The following ACTA2 variants were observed in gnomAD, a reference collection of about 807,000 sequenced individuals.
ACTA2 encodes actin alpha 2, smooth muscle.
In ACTA2, 12 loss-of-function variants were observed where a neutral mutation model predicts 39.5. That is an observed-to-expected ratio of 0.30 (90% CI 0.19 to 0.49). The LOEUF is 0.49. Among genes scored for constraint, ACTA2 ranks in the 20% least tolerant of loss-of-function variants. The pLI is 0.99. For missense variants in ACTA2, 236 were observed against 498.8 expected, an observed-to-expected ratio of 0.47 and a Z score of 5.02; for synonymous variants, 158 against 180.6, an observed-to-expected ratio of 0.88 and a Z score of 1.00.
chr10:88,962,778 T>C (rs1418642180), intron 1 of ACTA2, among the ~76,000 whole-genome samples: 1 of 151,436 alleles, frequency 6.6e-6, no homozygotes, highest in Non-Finnish European at 1.5e-5. Context: ...GGGTAACTTA[T>C]AAAGGAAAGA....
In ACTA2 at chr10:88,990,159, ATGGCGCAACATCTGTACTTTTTCAT is replaced by A. The variant is rs1847077204; in HGVS notation, c.-24+755_-24+779del. On this transcript the variant is annotated intron_variant, in intron 1 of 4. Coordinates refer to the ACTA2 transcript ENST00000415557. This position sits in a 1 kb window ranked among gnomAD's most constrained non-coding sequence, Gnocchi z 4.9. ...AGGGGCCCTCCCTTTTCAGAGCCCT[ATGGCGCAACATCTGTACTTTTTCAT>A]ATGGTTAACTGTCCATTCCAGAAAC... 1.3e-5 allele frequency among the ~76,000 whole-genome samples: 2 copies of A among 152,280 alleles called. No homozygotes were observed. The highest frequency in any genetic ancestry group is 4.8e-5 in the African/African-American group (2 of 41,552).
intron 1 of ACTA2, among the ~76,000 whole-genome samples, chr10:88,958,758 C>T (rs956409808): frequency 1.3e-5 from 2 of 152,144 alleles, no homozygotes; most frequent in African/African-American, 4.8e-5. Context: ...ACCCAACTGC[C>T]CCAGCTTCCT....
intron 1 of ACTA2, among the ~76,000 whole-genome samples, chr10:88,983,953 C>T (rs1224132387): frequency 6.6e-6 from 1 of 150,776 alleles, no homozygotes; most frequent in African/African-American, 2.4e-5. Context: ...ACTTAGGCTG[C>T]CTAGTTATCC....
At chr10:88,947,726 CAAT>C (rs1845976807) in intron 2 of ACTA2, among the ~76,000 whole-genome samples, 2 of 152,230 alleles carry the variant, frequency 1.3e-5, no homozygotes, top group South Asian at 4.2e-4. Flanking sequence ...ATGTGGCACT[CAAT>C]AATTATTTGT....
chr10:88,985,072 G>A (rs1203795051), intron 1 of ACTA2, among the ~76,000 whole-genome samples: 1 of 152,110 alleles, frequency 6.6e-6, no homozygotes, highest in African/African-American at 2.4e-5. Context: ...GGGGGCCATT[G>A]GCAAATTGCT....
chr10:88,985,001 G>A (rs527549964), intron 1 of ACTA2, among the ~76,000 whole-genome samples: 33 of 152,310 alleles, frequency 2.2e-4, no homozygotes, highest in African/African-American at 7.9e-4. Context: ...ACATTTAGTT[G>A]GTAATATAGG....
chr10:88,986,362 T>C (rs574321157), intron 1 of ACTA2, among the ~76,000 whole-genome samples: 23 of 152,316 alleles, frequency 1.5e-4, no homozygotes, highest in African/African-American at 5.3e-4. Context: ...TCAATTGGAT[T>C]AAGAAGCCAG....
intron 1 of ACTA2, among the ~76,000 whole-genome samples, chr10:88,980,023 A>G (rs1286808680): frequency 1.3e-5 from 2 of 152,254 alleles, no homozygotes; most frequent in Non-Finnish European, 2.9e-5. Flanking sequence ...GTAGTTTCAG[A>G]AGATGGCCAG....
chr10:88,954,295 T>C (rs1172376047), upstream of ACTA2, among the ~76,000 whole-genome samples: 1 of 152,214 alleles, frequency 6.6e-6, no homozygotes, highest in East Asian at 1.9e-4. Flanking sequence ...AAATTTTAAA[T>C]AGCTTAAGAC....
chr10:88,966,013 T>C lies in ACTA2; in HGVS notation c.-23-17060A>G, dbSNP rs377314142. Among the ~76,000 whole-genome samples the C allele has an allele frequency of 7.3e-4, 111 of 152,256 alleles. 1 individual carries two copies. The South Asian group carries it at 0.021, about 28-fold the overall frequency. On this transcript the variant is annotated intron_variant, in intron 1 of 4. Transcript: ENST00000415557. ...ATGGTCAACAGAATCACTTGGGCAATTTGTTAAAATGTATTAGGTTGGTGC... is the reference window on the plus strand; with the variant it reads ...ATGGTCAACAGAATCACTTGGGCAACTTGTTAAAATGTATTAGGTTGGTGC...
At chr10:88,947,519 G>A in intron 2 of ACTA2, 133 bp from the exon 3 acceptor site, 4 of 1,362,370 alleles carry the variant, frequency 2.9e-6, no homozygotes, top group Non-Finnish European at 4.1e-6. Context: ...AACATATTGA[G>A]TCTCATTGCC....
intron 1 of ACTA2, among the ~76,000 whole-genome samples, chr10:88,969,640 T>C (rs896695351): frequency 1.3e-5 from 2 of 152,206 alleles, no homozygotes; most frequent in Non-Finnish European, 2.9e-5. Context: ...GACCAGTTTC[T>C]CAAGGAAAGA....
At chr10:88,956,130 C>A (rs1178777443), upstream of ACTA2, among the ~76,000 whole-genome samples, 3 of 152,092 alleles carry the variant, frequency 2.0e-5, no homozygotes, top group African/African-American at 7.2e-5. Flanking sequence ...AAACTCTTAC[C>A]CAGAAGACTC....
intron 1 of ACTA2, among the ~76,000 whole-genome samples, chr10:88,950,179 G>T (rs1846024431): frequency 6.6e-6 from 1 of 152,130 alleles, no homozygotes; most frequent in African/African-American, 2.4e-5. Flanking sequence ...GCCACCCCTT[G>T]GCTTCCAGTT....
chr10:88,949,231 G>A (rs559345907), intron 1 of ACTA2, among the ~76,000 whole-genome samples: 41 of 152,266 alleles, frequency 2.7e-4, no homozygotes, highest in African/African-American at 9.9e-4. Context: ...CACTTTAAAG[G>A]TGGATAGAGC....
At chr10:88,941,962 C>T (rs1394036515) in intron 4 of ACTA2, 93 bp from the exon 5 acceptor site, 4 of 1,204,218 alleles carry the variant, frequency 3.3e-6, no homozygotes, top group Admixed American at 2.0e-5. Flanking sequence ...TGCAGAGGGG[C>T]CTGACCTGTT....
chr10:88,969,234 G>A (rs758323684), intron 1 of ACTA2, among the ~76,000 whole-genome samples: 16 of 152,096 alleles, frequency 1.1e-4, no homozygotes, highest in East Asian at 3.8e-4. Context: ...ATAGATTTCC[G>A]TAATGTCCAA....
intron 1 of ACTA2, among the ~76,000 whole-genome samples, chr10:88,959,881 T>C (rs1424132000): frequency 6.6e-6 from 1 of 150,874 alleles, no homozygotes; most frequent in Non-Finnish European, 1.5e-5. Flanking sequence ...GTAAACTGTC[T>C]CTCAGTTTGG....
intron 1 of ACTA2, among the ~76,000 whole-genome samples, chr10:88,967,450 T>A (rs1355485436): frequency 6.6e-6 from 1 of 152,164 alleles, no homozygotes; most frequent in Non-Finnish European, 1.5e-5. Context: ...CAGGTGGCGA[T>A]GAGGACAGAT....
Sources: gnomAD v4.1 joint callset for allele counts (sites outside exome capture counted in the v4.1 genomes callset) on GRCh38, gnomAD v4.1.1 for gene constraint, Gnocchi (gnomAD v3.1) non-coding constraint, MANE v1.5 for transcripts, NCBI Gene and HGNC (gene_info 2026-07-23, HGNC 2026-07-21) for gene names.